LRRC9: variants seen among roughly 807,000 people sequenced by gnomAD.
LRRC9 encodes leucine rich repeat containing 9, also known as leucine-rich repeat-containing protein 9.
A neutral mutation model predicts 63.2 loss-of-function variants in LRRC9; 122 were observed. The ratio of observed to expected loss-of-function variants is 1.93; its 90% CI spans 1.67 to 2.24. The LOEUF (loss-of-function observed/expected upper bound fraction) is 2.24, where lower values mean the gene tolerates loss of function less well. Ranked by LOEUF, LRRC9 falls within the 30% of genes most tolerant of loss-of-function variation. LRRC9 has a pLI of 0.00. For synonymous variants in LRRC9, 366 were observed against 213.1 expected (o/e 1.72, Z -6.25); for missense variants, 1,071 against 627.7 (o/e 1.71, Z -7.55).
intron 30 of LRRC9, among the ~76,000 whole-genome samples, chr14:60,054,577 A>G (rs1458927265): frequency 1.3e-5 from 2 of 152,236 alleles, no homozygotes; most frequent in Admixed American, 1.3e-4. Context: ...TATTTTAAAG[A>G]AACCAAAACT....
At chr14:60,057,682 C>G in intron 30 of LRRC9, 196 bp from the exon 31 acceptor site, 1 of 316,444 alleles carries the variant, frequency 3.2e-6, no homozygotes, top group Non-Finnish European at 5.8e-6. Flanking sequence ...ACACAAGGTT[C>G]TGAGGGAGGT....
chr14:59,932,947 A>G lies in LRRC9; in HGVS notation c.543+908A>G, dbSNP rs1330313283. On this transcript the variant is annotated intron_variant, in intron 6 of 31. Transcript: ENST00000445360. This position sits in a 1 kb window ranked among gnomAD's most constrained non-coding sequence, Gnocchi z 4.7. ...ACATTTCATATAATGGGGCCATAAG[A>G]CTACCTAATCTAGCCACCCCACCAC... Among the ~76,000 whole-genome samples the G allele has an allele frequency of 6.6e-6, 1 of 152,004 alleles. No individual in the cohort carries two copies. Among genetic ancestry groups the G allele is most frequent in the Non-Finnish European group, 1.5e-5 (1 of 67,998 alleles).
rs1891703587 is a variant in LRRC9, at chr14:60,028,127, G to A, written c.3921+26G>A. 7.4e-6 allele frequency: 5 copies of A among 673,356 alleles called. No homozygotes were observed. The South Asian group carries it at 8.1e-5, about 11-fold the overall frequency. 41.7% of individuals were successfully genotyped at this position (673,356 alleles called of 1,614,324 possible). A position where few individuals can be genotyped will look rare whatever the true frequency, so the allele number is the denominator to read the frequency against. On this transcript the variant is annotated intron_variant, in intron 28 of 31. Transcript: ENST00000445360. ...GTAACATTATTATTTTTTTATTATGGGATTTACAAGCTTTAGTTTCTCTGA... is the reference window on the plus strand; with the variant it reads ...GTAACATTATTATTTTTTTATTATGAGATTTACAAGCTTTAGTTTCTCTGA...
At chr14:60,065,653 AAAAAAAAAAAAAACTGT>A (rs1894868546), downstream of LRRC9, among the ~76,000 whole-genome samples, 1 of 123,434 alleles carries the variant, frequency 8.1e-6, no homozygotes, top group Non-Finnish European at 1.8e-5. Context: ...CTCTCAAAAA[AAAAAAAAAAAAAACTGT>A]AAAAGAGAGT....
rs200963575 is a variant in LRRC9, at chr14:59,962,409, ATTTT to A, written c.1211+1373_1211+1376del. On this transcript the variant is annotated intron_variant, in intron 10 of 31. Coordinates refer to ENST00000445360, the Ensembl canonical transcript of LRRC9. The surrounding 1 kb of genome is among the most constrained non-coding windows in gnomAD (Gnocchi z 5.1). ...TTTATATTCACTCAACCTAAACAGG[ATTTT>A]TTTTTTTTGAGATAGAGTCTCGCTG... 1.4e-5 allele frequency among the ~76,000 whole-genome samples: 2 copies of A among 147,028 alleles called. No individual in the cohort carries two copies. The highest frequency in any genetic ancestry group is 2.5e-5 in the African/African-American group (1 of 40,264).
chr14:60,019,054 C>T, intron 25 of LRRC9, 67 bp from the exon 26 acceptor site: 9 of 576,246 alleles, frequency 1.6e-5, no homozygotes, highest in South Asian at 6.9e-5. Flanking sequence ...TGGTATATTC[C>T]AAGTTTTATC....
At chr14:60,057,383 A>T (rs1007006529) in intron 30 of LRRC9, among the ~76,000 whole-genome samples, 3 of 152,144 alleles carry the variant, frequency 2.0e-5, no homozygotes, top group African/African-American at 7.2e-5. Flanking sequence ...TTATTATAAG[A>T]TGCTTTTCTT....
chr14:60,064,748 A>G (rs1371863444), downstream of LRRC9, among the ~76,000 whole-genome samples: 1 of 151,830 alleles, frequency 6.6e-6, no homozygotes, highest in Non-Finnish European at 1.5e-5. Flanking sequence ...GTGACAGTCT[A>G]CTCTTCACTA....
intron 29 of LRRC9, among the ~76,000 whole-genome samples, chr14:60,043,377 T>C (rs1595096025): frequency 6.6e-6 from 1 of 152,196 alleles, no homozygotes; most frequent in South Asian, 2.1e-4. Context: ...TGTTCCAGTC[T>C]TTAAAGCAAA....
Position 59,962,678 on chromosome 14 carries a change from C to G in LRRC9, c.1211+1633C>G, listed in dbSNP as rs1409359394. Among the ~76,000 whole-genome samples, 1 of 151,924 alleles carries G rather than the reference C, an allele frequency of 6.6e-6. No homozygotes were observed. Among genetic ancestry groups the G allele is most frequent in the Admixed American group, 6.6e-5 (1 of 15,256 alleles). ...TCGGCCTCCCAAAGTGCTGAGATCA[C>G]AGGCATGAGCCACTGTGCCCAGCTC... On this transcript the variant is annotated intron_variant, in intron 10 of 31. Coordinates refer to ENST00000445360, the Ensembl canonical transcript of LRRC9. The surrounding 1 kb of genome is among the most constrained non-coding windows in gnomAD (Gnocchi z 5.1).
chr14:60,009,565 A>C (rs1017384980), intron 23 of LRRC9, among the ~76,000 whole-genome samples: 1 of 152,188 alleles, frequency 6.6e-6, no homozygotes, highest in African/African-American at 2.4e-5. Context: ...CACAGAGCCA[A>C]ACCATATCAT....
In LRRC9 at chr14:59,966,645, CA is replaced by C. The variant is rs1325243769; in HGVS notation, c.1269del (p.Tyr424ThrfsTer6). 9 of 696,266 alleles carry C rather than the reference CA, an allele frequency of 1.3e-5. No homozygotes were observed. The highest frequency in any genetic ancestry group is 2.1e-5 in the Non-Finnish European group (8 of 381,836). The allele number at this position is 696,266 out of a possible 1,614,324, so 43.1% of individuals were successfully genotyped here. A position where few individuals can be genotyped will look rare whatever the true frequency, so the allele number is the denominator to read the frequency against. ...CGTTTTTGTGCCTGGGACTTCAGAA[CA>C]TACGGTATTACAGGAGTAAAAGTAA... is the stretch of plus-strand genomic sequence containing the variant. On this transcript the variant is annotated frameshift_variant, in exon 11 of 32. Transcript: ENST00000445360. LOFTEE classifies it high-confidence loss of function. This position sits in a 1 kb window ranked among gnomAD's most constrained non-coding sequence, Gnocchi z 4.0.
chr14:59,921,924 A>G (rs1296114956), intron 1 of LRRC9, among the ~76,000 whole-genome samples: 4 of 151,864 alleles, frequency 2.6e-5, no homozygotes, highest in Non-Finnish European at 5.9e-5. Context: ...TCTCTACTAA[A>G]AATACAAAAA....
At chr14:59,981,307 C>G (rs192071172) in intron 15 of LRRC9, among the ~76,000 whole-genome samples, 23 of 151,994 alleles carry the variant, frequency 1.5e-4, no homozygotes, top group African/African-American at 5.5e-4. Flanking sequence ...ACTTTATTGT[C>G]CTAGATTTTT....
Position 59,930,045 on chromosome 14 carries a change from T to G in LRRC9, c.268-873T>G, listed in dbSNP as rs1889563957. ...CAGAAATTTACCTAAATAACAAACC[T>G]GCACATGCACCCCTGAACTTAAAAT... is the stretch of plus-strand genomic sequence containing the variant. On this transcript the variant is annotated intron_variant, in intron 3 of 31. Coordinates refer to ENST00000445360, the Ensembl canonical transcript of LRRC9. This position sits in a 1 kb window ranked among gnomAD's most constrained non-coding sequence, Gnocchi z 4.9. Among the ~76,000 whole-genome samples the G allele has an allele frequency of 6.6e-6, 1 of 151,838 alleles. No individual in the cohort carries two copies. Among genetic ancestry groups the G allele is most frequent in the Admixed American group, 6.6e-5 (1 of 15,212 alleles).
chr14:60,015,596 G>A (rs986045253), intron 23 of LRRC9, among the ~76,000 whole-genome samples: 1 of 152,112 alleles, frequency 6.6e-6, no homozygotes, highest in South Asian at 2.1e-4. Flanking sequence ...TACTCTGGCT[G>A]GGAAGGAAGG....
chr14:60,011,931 T>C (rs1566874723), intron 23 of LRRC9, among the ~76,000 whole-genome samples: 2 of 152,196 alleles, frequency 1.3e-5, no homozygotes, highest in African/African-American at 4.8e-5. Flanking sequence ...GGATTAAATA[T>C]GCATATGAAA....
At chr14:60,016,740 T>C (rs756526884) in exon 24 of LRRC9, 4 of 700,444 alleles carry the variant, frequency 5.7e-6, no homozygotes, top group South Asian at 1.5e-5. Context: ...GACAAGGACA[T>C]TCCAACTTCA....
intron 13 of LRRC9, among the ~76,000 whole-genome samples, chr14:59,976,105 C>T (rs1886253956): frequency 6.6e-6 from 1 of 152,178 alleles, no homozygotes; most frequent in Non-Finnish European, 1.5e-5. Flanking sequence ...AACCTAATGC[C>T]TGATGATATG....
Sources: gnomAD v4.1 joint callset for allele counts (sites outside exome capture counted in the v4.1 genomes callset) on GRCh38, gnomAD v4.1.1 for gene constraint, Gnocchi (gnomAD v3.1) non-coding constraint, MANE v1.5 for transcripts, NCBI Gene and HGNC (gene_info 2026-07-23, HGNC 2026-07-21) for gene names.